The following DEPDC1 variants were observed in gnomAD, a reference collection of about 807,000 sequenced individuals.
DEPDC1 encodes the protein DEP domain-containing protein 1A.
Under a neutral mutation model 86.8 loss-of-function variants are expected in DEPDC1, and 66 were observed. That is an observed-to-expected ratio of 0.76 (90% CI 0.62 to 0.93). The LOEUF (loss-of-function observed/expected upper bound fraction) is 0.93, where lower values mean the gene tolerates loss of function less well. Ranked by LOEUF, DEPDC1 falls within the 40% of genes least tolerant of loss-of-function variation. The probability of loss-of-function intolerance (pLI) is 0.00; values close to 1 mark genes in which losing one functional copy is unlikely to be tolerated. For synonymous variants in DEPDC1, 255 were observed against 314.9 expected (o/e 0.81, Z 2.02); for missense variants, 792 against 935.7 (o/e 0.85, Z 2.00).
At position 68,476,799 on chromosome 1, in the gene DEPDC1, G is replaced by C; in HGVS notation, c.*133C>G. 1.4e-6 allele frequency: 1 copy of C among 740,006 alleles called. No homozygotes were observed. Among genetic ancestry groups the C allele is most frequent in the Middle Eastern group, 4.0e-4 (1 of 2,514 alleles). 45.8% of individuals were successfully genotyped at this position (740,006 alleles called of 1,614,324 possible). A position where few individuals can be genotyped will look rare whatever the true frequency, so the allele number is the denominator to read the frequency against. On this transcript the variant is annotated 3_prime_UTR_variant, in exon 12 of 12. Transcript: ENST00000456315. ...GAGTCTCACATTGATAACTATTTTG[G>C]CACTTCCTTACATAATGTGTTTATT...
chr1:68,480,927 T>A (rs1646150955), intron 9 of DEPDC1, among the ~76,000 whole-genome samples: 1 of 151,982 alleles, frequency 6.6e-6, no homozygotes, highest in South Asian at 2.1e-4. Context: ...TGTCTGCATA[T>A]AAATGCCCTT....
chr1:68,477,020 T>G lies in DEPDC1; in HGVS notation c.2348A>C (p.Glu783Ala). The G allele has an allele frequency of 6.2e-7, 1 of 1,607,614 alleles. No individual in the cohort carries two copies. Among genetic ancestry groups the G allele is most frequent in the South Asian group, 1.1e-5 (1 of 90,102 alleles). Residue 783 changes from glutamate (E) to alanine (A), a missense_variant, in exon 12 of 12, where the codon GAG (glutamate) becomes GCG (alanine). Transcript: ENST00000456315. ...LIYQKRFPTT[E>A]SEAALFGDKP... ...GTCACCAAAAAGTGCTGCTTCACTCTCCGTGGTTGGAAATCTTTTCTGATA... is the reference window on the plus strand; with the variant it reads ...GTCACCAAAAAGTGCTGCTTCACTCGCCGTGGTTGGAAATCTTTTCTGATA...
intron 4 of DEPDC1, among the ~76,000 whole-genome samples, 193 bp downstream of exon 4, chr1:68,488,723 G>T (rs544697301): frequency 6.6e-6 from 1 of 151,748 alleles, no homozygotes; most frequent in East Asian, 1.9e-4. Context: ...AAGAAAAGGT[G>T]AATCATACCG....
rs1200565211 is a variant in DEPDC1, at chr1:68,481,547, G to C, written c.1828C>G (p.Pro610Ala). 2 of 1,611,892 alleles carry C rather than the reference G, an allele frequency of 1.2e-6. No homozygotes were observed. ...DALQLCCLLL[P>A]PPNRRKLQLL... is the part of the protein sequence containing the mutation. Reference sequence around the variant, plus strand: ...TGAAGCTTTCTACGATTTGGTGGGGGAAGTAACAAACAACATAACTGTAGA... The same window carrying C: ...TGAAGCTTTCTACGATTTGGTGGGGCAAGTAACAAACAACATAACTGTAGA... Residue 610 changes from proline (P) to alanine (A), a missense_variant, in exon 9 of 12, where the codon CCC (proline) becomes GCC (alanine). By Grantham distance (27) the Pro-to-Ala change is conservative. Coordinates refer to ENST00000456315, the MANE Select transcript of DEPDC1 (RefSeq NM_001114120.3).
intron 11 of DEPDC1, 61 bp from the exon 12 acceptor site, chr1:68,477,130 C>A (rs1020663612): frequency 2.9e-6 from 4 of 1,370,418 alleles, no homozygotes; most frequent in South Asian, 1.3e-5. Flanking sequence ...TGAAGCAGTG[C>A]TCAACATTTT....
chr1:68,482,046 T>G lies in DEPDC1; in HGVS notation c.1762A>C (p.Ser588Arg). 1 of 1,578,884 alleles carries G rather than the reference T, an allele frequency of 6.3e-7. No homozygotes were observed. Among genetic ancestry groups the G allele is most frequent in the Admixed American group, 1.9e-5 (1 of 53,350 alleles). ...PASSMLTGTQ[S>R]LLQPHLERVA... ...CATGCATTGAAAGCAACAGCCTTAC[T>G]TTGTGTGCCAGTCAACATAGAAGAA... Residue 588 changes from serine to arginine, a missense_variant and splice_region_variant, in exon 8 of 12, where the codon AGC (serine) becomes CGC (arginine). By Grantham distance (110) the Ser-to-Arg change is moderately radical. Coordinates refer to ENST00000456315, the MANE Select transcript of DEPDC1 (RefSeq NM_001114120.3).
At chr1:68,487,889 A>C (rs1646203179) in intron 5 of DEPDC1, among the ~76,000 whole-genome samples, 1 of 151,916 alleles carries the variant, frequency 6.6e-6, no homozygotes, top group Non-Finnish European at 1.5e-5. Context: ...CAAAAAAGCC[A>C]GTCCCTTTAG....
At chr1:68,491,018 T>C (rs1243444745) in intron 2 of DEPDC1, among the ~76,000 whole-genome samples, 4 of 152,104 alleles carry the variant, frequency 2.6e-5, no homozygotes, top group Non-Finnish European at 5.9e-5. Flanking sequence ...TCTTACACCA[T>C]ATACAAAAAT....
Position 68,474,437 on chromosome 1 carries a change from G to T in DEPDC1, c.*2495C>A, listed in dbSNP as rs910286657. On this transcript the variant is annotated 3_prime_UTR_variant, in exon 12 of 12. Transcript: ENST00000456315. ...CTGTTTGGATAACATAAGAAGAGTGGGTCATTATATGATACCAATTAGAAG... is the reference window on the plus strand; with the variant it reads ...CTGTTTGGATAACATAAGAAGAGTGTGTCATTATATGATACCAATTAGAAG... 2.0e-5 allele frequency: 3 copies of T among 151,856 alleles called. No individual in the cohort carries two copies. The highest frequency in any genetic ancestry group is 7.3e-5 in the African/African-American group (3 of 41,348). The allele number at this position is 151,856 out of a possible 1,614,324, so 9.4% of individuals were successfully genotyped here.
chr1:68,476,989 A>AG lies in DEPDC1; in HGVS notation c.2378dup (p.Thr794TyrfsTer16), dbSNP rs1646120010. ...AAATCAGCATTGGTTGCTTGATTGT[A>AG]GGTTTGTCACCAAAAAGTGCTGCTT... On this transcript the variant is annotated frameshift_variant, in exon 12 of 12. Coordinates refer to ENST00000456315, the MANE Select transcript of DEPDC1 (RefSeq NM_001114120.3). LOFTEE classifies it high-confidence loss of function. 1.2e-6 allele frequency: 2 copies of AG among 1,607,472 alleles called. No homozygotes were observed. Among genetic ancestry groups the AG allele is most frequent in the Admixed American group, 3.4e-5 (2 of 59,480 alleles).
chr1:68,477,612 AC>A (rs1242832041), intron 11 of DEPDC1, among the ~76,000 whole-genome samples, 174 bp downstream of exon 11: 1 of 151,836 alleles, frequency 6.6e-6, no homozygotes, highest in African/African-American at 2.4e-5. Flanking sequence ...TCAGGTAGGT[AC>A]TCACATGTTT....
rs1009410500 is a variant in DEPDC1 at position 68,474,842 on chromosome 1, A to G, written c.*2090T>C. ...AAAATTTCAACCAGTAGGCATAATC[A>G]GAACCTTTGTCTCATAATGAAAAGA... On this transcript the variant is annotated 3_prime_UTR_variant, in exon 12 of 12. Coordinates refer to ENST00000456315, the MANE Select transcript of DEPDC1 (RefSeq NM_001114120.3). The G allele has an allele frequency of 6.6e-6, 1 of 152,088 alleles. No individual in the cohort carries two copies. The highest frequency in any genetic ancestry group is 1.5e-5 in the Non-Finnish European group (1 of 67,946). The allele number at this position is 152,088 out of a possible 1,614,324, so 9.4% of individuals were successfully genotyped here.
intron 6 of DEPDC1, among the ~76,000 whole-genome samples, chr1:68,484,954 A>ATATATAT (rs1553156028): frequency 6.6e-6 from 1 of 150,868 alleles, no homozygotes; most frequent in Non-Finnish European, 1.5e-5. Flanking sequence ...ATATATATAT[A>ATATATAT]TTTTTTAAAG....
At chr1:68,478,049 C>T in intron 10 of DEPDC1, 77 bp from the exon 11 acceptor site, 1 of 1,030,950 alleles carries the variant, frequency 9.7e-7, no homozygotes, top group Non-Finnish European at 1.3e-6. Context: ...TTGATGGGAT[C>T]TAGCACCTAT....
intron 3 of DEPDC1, among the ~76,000 whole-genome samples, 161 bp from the exon 4 acceptor site, chr1:68,489,195 C>T (rs570490164): frequency 1.3e-5 from 2 of 151,914 alleles, no homozygotes; most frequent in South Asian, 4.1e-4. Flanking sequence ...GCAGTTGTCC[C>T]TACCACCCTC....
chr1:68,474,752 C>G lies in DEPDC1; in HGVS notation c.*2180G>C, dbSNP rs746732440. 6.6e-6 allele frequency: 1 copy of G among 152,012 alleles called. No individual in the cohort carries two copies. Among genetic ancestry groups the G allele is most frequent in the African/African-American group, 2.4e-5 (1 of 41,442 alleles). The allele number at this position is 152,012 out of a possible 1,614,324, so 9.4% of individuals were successfully genotyped here. On this transcript the variant is annotated 3_prime_UTR_variant, in exon 12 of 12. Coordinates refer to ENST00000456315, the MANE Select transcript of DEPDC1 (RefSeq NM_001114120.3). Reference sequence around the variant, plus strand: ...GAATCTATCCATGTTCCAGCTTAGGCGAAGCCCTTCTGAAGATATCCATTC... The same window carrying G: ...GAATCTATCCATGTTCCAGCTTAGGGGAAGCCCTTCTGAAGATATCCATTC...
chr1:68,496,766 G>A lies in DEPDC1; in HGVS notation c.48+186C>T. 3.5e-6 allele frequency: 2 copies of A among 579,426 alleles called. No individual in the cohort carries two copies. Among genetic ancestry groups the A allele is most frequent in the Non-Finnish European group, 6.1e-6 (2 of 325,898 alleles). 35.9% of individuals were successfully genotyped at this position (579,426 alleles called of 1,614,324 possible). On this transcript the variant is annotated intron_variant, in intron 1 of 11. Coordinates refer to ENST00000456315, the MANE Select transcript of DEPDC1 (RefSeq NM_001114120.3). This position sits in a 1 kb window ranked among gnomAD's most constrained non-coding sequence, Gnocchi z 4.0. ...TGAGGCCCAGACCCTCAAAATAGAG[G>A]GAGCGGTGAGTCTGGCAAGGGTTGC...
intron 4 of DEPDC1, 86 bp downstream of exon 4, chr1:68,488,830 C>A: frequency 1.1e-6 from 1 of 908,728 alleles, no homozygotes; most frequent in South Asian, 1.4e-5. Context: ...TTAATCTGTT[C>A]TGATTCATTT....
Position 68,477,046 on chromosome 1 carries a change from T to C in DEPDC1, c.2322A>G (p.Ile774Met). The part of the protein sequence containing the change: ...LKQFQKEYPL[I>M]YQKRFPTTES... ...CCGTGGTTGGAAATCTTTTCTGATA[T>C]ATCAAAGGATATTCCTTCTGAAACT... is the stretch of plus-strand genomic sequence containing the variant. Residue 774 changes from isoleucine (I) to methionine (M), a missense_variant, in exon 12 of 12, where the codon ATA (isoleucine) becomes ATG (methionine). Transcript: ENST00000456315. The C allele has an allele frequency of 1.2e-6, 2 of 1,606,370 alleles. No homozygotes were observed. Among genetic ancestry groups the C allele is most frequent in the Non-Finnish European group, 1.7e-6 (2 of 1,176,086 alleles).
Sources: allele counts gnomAD v4.1 joint callset (sites outside exome capture counted in the v4.1 genomes callset), GRCh38; gene constraint gnomAD v4.1.1; non-coding constraint Gnocchi (gnomAD v3.1); transcripts MANE v1.5; gene names NCBI Gene and HGNC (gene_info 2026-07-23, HGNC 2026-07-21).